MATN2: variants seen among roughly 807,000 people sequenced by gnomAD.
The protein encoded by MATN2 is matrilin 2.
MATN2 carries 69 observed loss-of-function variants against 103.2 expected under a neutral mutation model. The observed-to-expected ratio is 0.67, with a 90% CI of 0.55 to 0.82. The LOEUF (loss-of-function observed/expected upper bound fraction) is 0.82, where lower values mean the gene tolerates loss of function less well. Among genes scored for constraint, MATN2 ranks in the 40% least tolerant of loss-of-function variants. MATN2 has a pLI of 0.00. For missense variants in MATN2, 1,023 were observed against 1,211.5 expected (o/e 0.84, Z 2.31); for synonymous variants, 429 against 450.2 (o/e 0.95, Z 0.60).
intron 7 of MATN2, among the ~76,000 whole-genome samples, chr8:97,998,242 T>C (rs543525245): frequency 1.3e-5 from 2 of 149,880 alleles, no homozygotes; most frequent in East Asian, 4.1e-4. Context: ...AAAATCTTGC[T>C]GGGCGCGGTG....
chr8:98,010,138 C>G (rs1813108770), intron 10 of MATN2, among the ~76,000 whole-genome samples: 1 of 152,190 alleles, frequency 6.6e-6, no homozygotes, highest in African/African-American at 2.4e-5. Context: ...CTGAAGCCGC[C>G]TCCTGTTCTT....
At chr8:97,911,401 C>A (rs1306113963) in intron 2 of MATN2, among the ~76,000 whole-genome samples, 1 of 151,952 alleles carries the variant, frequency 6.6e-6, no homozygotes, top group African/African-American at 2.4e-5. Context: ...AATTCCATAG[C>A]CAAAATAAAA....
intron 3 of MATN2, among the ~76,000 whole-genome samples, chr8:97,938,704 A>T (rs72677062): frequency 0.091 from 13,875 of 152,274 alleles, 918 homozygotes; most frequent in Admixed American, 0.2. Flanking sequence ...CACAATAATT[A>T]TGTTTTATAA....
chr8:97,875,690 GTTTTTT>G lies in MATN2; in HGVS notation c.-27+6421_-27+6426del, dbSNP rs763539274. Reference sequence around the variant, plus strand: ...CTGGATCTGTGTAGAGTATTTGCCTGTTTTTTTTTTTTTTTTTTTTTTTGAGGTGGA... The same window carrying G: ...CTGGATCTGTGTAGAGTATTTGCCTGTTTTTTTTTTTTTTTTTGAGGTGGA... On this transcript the variant is annotated intron_variant, in intron 1 of 18. Transcript: ENST00000254898. 3.7e-5 allele frequency among the ~76,000 whole-genome samples: 3 copies of G among 82,034 alleles called. No homozygotes were observed. In the Admixed American group the frequency reaches 4.5e-4, roughly 12 times the overall value. 53.8% of individuals were successfully genotyped at this position (82,034 alleles called of 152,430 possible).
At chr8:97,907,952 A>G (rs1383408231) in intron 2 of MATN2, among the ~76,000 whole-genome samples, 1 of 152,144 alleles carries the variant, frequency 6.6e-6, no homozygotes, top group East Asian at 1.9e-4. Context: ...AGCCTGACCA[A>G]TCTGGTGAAA....
intron 2 of MATN2, among the ~76,000 whole-genome samples, chr8:97,922,672 G>A (rs1170724438): frequency 6.6e-6 from 1 of 152,114 alleles, no homozygotes; most frequent in Non-Finnish European, 1.5e-5. Context: ...GTCTGCCAGG[G>A]ACTGAAAAAA....
At chr8:97,947,807 C>T (rs1197274456) in intron 4 of MATN2, among the ~76,000 whole-genome samples, 2 of 151,944 alleles carry the variant, frequency 1.3e-5, no homozygotes, top group African/African-American at 4.8e-5. Flanking sequence ...ATAGTCAAAC[C>T]CAGTCAGTTC....
intron 5 of MATN2, among the ~76,000 whole-genome samples, chr8:97,965,160 G>A (rs1811440887): frequency 6.6e-6 from 1 of 152,202 alleles, no homozygotes; most frequent in Non-Finnish European, 1.5e-5. Context: ...GACTTAAACT[G>A]TTAAGTTCAG....
chr8:97,874,153 C>T (rs1817987652), intron 1 of MATN2, among the ~76,000 whole-genome samples: 1 of 152,172 alleles, frequency 6.6e-6, no homozygotes, highest in South Asian at 2.1e-4. Context: ...AACAAGTTAG[C>T]ACAAACTTAG....
At chr8:97,877,878 A>C (rs1818126732) in intron 1 of MATN2, among the ~76,000 whole-genome samples, 1 of 152,202 alleles carries the variant, frequency 6.6e-6, no homozygotes, top group African/African-American at 2.4e-5. Context: ...TGAGTGTCCA[A>C]AGTGTATGTG....
chr8:97,934,873 C>A (rs1463042967), intron 3 of MATN2, among the ~76,000 whole-genome samples: 4 of 152,174 alleles, frequency 2.6e-5, no homozygotes, highest in African/African-American at 9.7e-5. Flanking sequence ...CTGTAGCTAT[C>A]TGCTTAGGAA....
In MATN2 at chr8:97,931,423, A is replaced by C; in HGVS notation, c.613A>C (p.Lys205Gln). 4.3e-6 allele frequency: 7 copies of C among 1,613,784 alleles called. No homozygotes were observed. The highest frequency in any genetic ancestry group is 1.6e-4 in the Middle Eastern group (1 of 6,062). ...GVGQVDFNTL[K>Q]SIGSEPHEDH... is the part of the protein sequence containing the mutation. ...GGGCCAGGTAGACTTCAACACCTTG[A>C]AGTCCATTGGGAGTGAGCCCCATGA... The change falls in exon 3 of 19, where the codon AAG becomes CAG. Residue 205 changes from lysine (K) to glutamine (Q), a missense_variant. Physicochemically the swap from Lys to Gln is moderately conservative, Grantham distance 53. Transcript: ENST00000254898. The surrounding 1 kb of genome is among the most constrained non-coding windows in gnomAD (Gnocchi z 4.1).
chr8:98,013,835 G>A (rs555691161), intron 10 of MATN2, among the ~76,000 whole-genome samples: 1 of 152,350 alleles, frequency 6.6e-6, no homozygotes, highest in East Asian at 1.9e-4. Context: ...CAGATAAGGT[G>A]TGGTGGCTCA....
intron 2 of MATN2, among the ~76,000 whole-genome samples, chr8:97,930,184 G>A (rs1810131219): frequency 6.6e-6 from 1 of 152,172 alleles, no homozygotes; most frequent in African/African-American, 2.4e-5. Flanking sequence ...TCTCTTAGCA[G>A]CTATTGTCAG....
At chr8:97,992,756 A>AAAAAAAAAAAAAAAAAAAAAAAAAAAC (rs1812437881) in intron 6 of MATN2, among the ~76,000 whole-genome samples, 1 of 138,980 alleles carries the variant, frequency 7.2e-6, no homozygotes, top group African/African-American at 2.5e-5. Flanking sequence ...AAAAAAAAAA[A>AAAAAAAAAAAAAAAAAAAAAAAAAAAC]AAAAAAAAAA....
rs71570278 is a variant in MATN2 at position 97,980,558 on chromosome 8, C to CTTTT, written c.1081+1571_1081+1574dup. On this transcript the variant is annotated intron_variant, in intron 6 of 18. Coordinates refer to ENST00000254898, the MANE Select transcript of MATN2 (RefSeq NM_002380.5). ...GCCTACTGCATAGCATTATTCTTTCCTTTTTTTTTTTTTTTTTTTTTTTTG... is the reference window on the plus strand; with the variant it reads ...GCCTACTGCATAGCATTATTCTTTCCTTTTTTTTTTTTTTTTTTTTTTTTTTTTG... Among the ~76,000 whole-genome samples, 430 of 94,080 alleles carry CTTTT rather than the reference C, an allele frequency of 4.6e-3. 18 individuals carry two copies. Among genetic ancestry groups the CTTTT allele is most frequent in the African/African-American group, 0.018 (392 of 21,840 alleles). The allele number at this position is 94,080 out of a possible 152,430, so 61.7% of individuals were successfully genotyped here.
intron 2 of MATN2, among the ~76,000 whole-genome samples, chr8:97,888,479 T>C (rs1818520443): frequency 6.6e-6 from 1 of 152,190 alleles, no homozygotes; most frequent in African/African-American, 2.4e-5. Context: ...GCTTATGGCT[T>C]TTCTCCAATA....
At chr8:98,011,935 G>A (rs1813178876) in intron 10 of MATN2, among the ~76,000 whole-genome samples, 1 of 152,134 alleles carries the variant, frequency 6.6e-6, no homozygotes, top group Non-Finnish European at 1.5e-5. Context: ...TAATCATCCT[G>A]AGCACACGCT....
chr8:97,903,020 C>T (rs1819041733), intron 2 of MATN2, among the ~76,000 whole-genome samples: 1 of 152,058 alleles, frequency 6.6e-6, no homozygotes, highest in Non-Finnish European at 1.5e-5. Flanking sequence ...TGTTATAGTC[C>T]CCATGCTAGC....
Sources: gnomAD v4.1 joint callset for allele counts (sites outside exome capture counted in the v4.1 genomes callset) on GRCh38, gnomAD v4.1.1 for gene constraint, Gnocchi (gnomAD v3.1) non-coding constraint, MANE v1.5 for transcripts, NCBI Gene and HGNC (gene_info 2026-07-23, HGNC 2026-07-21) for gene names.